NELL1: variants seen among roughly 807,000 people sequenced by gnomAD.
NELL1 encodes the protein protein kinase C-binding protein NELL1.
In NELL1, 76 loss-of-function variants were observed where a neutral mutation model predicts 107.4. The observed-to-expected ratio is 0.71, with a 90% confidence interval of 0.59 to 0.86. The LOEUF (loss-of-function observed/expected upper bound fraction) is 0.86. Among genes scored for constraint, NELL1 ranks in the 40% least tolerant of loss-of-function variants. NELL1 has a pLI of 0.00. For missense variants in NELL1, 1,024 were observed against 1,005.5 expected, an observed-to-expected ratio of 1.02 and a Z score of -0.25; for synonymous variants, 353 against 341.2, an observed-to-expected ratio of 1.03 and a Z score of -0.38.
intron 14 of NELL1, among the ~76,000 whole-genome samples, chr11:21,321,364 C>T (rs1352388832): frequency 6.6e-6 from 1 of 151,960 alleles, no homozygotes; most frequent in East Asian, 1.9e-4. Flanking sequence ...ACTCTGAGAT[C>T]CCTCAGAGGT....
intron 2 of NELL1, among the ~76,000 whole-genome samples, chr11:20,699,220 A>G (rs1214647771): frequency 2.0e-5 from 3 of 151,070 alleles, no homozygotes; most frequent in African/African-American, 7.4e-5. Context: ...CTGTCTCAAA[A>G]ACAAACAAAA....
At chr11:21,514,743 G>A (rs943249489) in intron 15 of NELL1, among the ~76,000 whole-genome samples, 3 of 146,654 alleles carry the variant, frequency 2.0e-5, no homozygotes, top group African/African-American at 8.3e-5. Flanking sequence ...TAAGGCTGTG[G>A]GAATACATCT....
chr11:21,008,575 A>G (rs1180803645), intron 12 of NELL1, among the ~76,000 whole-genome samples: 2 of 152,102 alleles, frequency 1.3e-5, no homozygotes, highest in African/African-American at 4.8e-5. Flanking sequence ...TGGGTAAGTA[A>G]TGAAAAATGT....
chr11:21,124,007 C>T (rs2133746647), intron 13 of NELL1, among the ~76,000 whole-genome samples: 1 of 152,148 alleles, frequency 6.6e-6, no homozygotes, highest in African/African-American at 2.4e-5. Context: ...CACATGCAAG[C>T]ACAGACACAT....
At chr11:21,085,840 G>A (rs1450320755) in intron 12 of NELL1, among the ~76,000 whole-genome samples, 8 of 152,100 alleles carry the variant, frequency 5.3e-5, no homozygotes, top group Non-Finnish European at 1.0e-4. Flanking sequence ...TAAATGTAAC[G>A]GGAAAGCAAA....
chr11:21,490,175 A>C (rs183054687), intron 15 of NELL1, among the ~76,000 whole-genome samples: 101 of 152,172 alleles, frequency 6.6e-4, no homozygotes, highest in African/African-American at 2.3e-3. Context: ...AAAATCAAGA[A>C]AGCAATTTTA....
At chr11:21,401,107 C>A (rs1344121615) in intron 15 of NELL1, among the ~76,000 whole-genome samples, 1 of 151,888 alleles carries the variant, frequency 6.6e-6, no homozygotes, top group East Asian at 1.9e-4. Flanking sequence ...AATTATACAA[C>A]CCTTTCTGTA....
chr11:21,358,565 A>ATTT (rs75578174), intron 14 of NELL1, among the ~76,000 whole-genome samples: 16,683 of 97,062 alleles, frequency 0.17, 1,280 homozygotes, highest in Non-Finnish European at 0.25. Flanking sequence ...TGCCCTGATA[A>ATTT]TTTTTTTTTT....
chr11:21,182,932 CAAG>C, intron 13 of NELL1, among the ~76,000 whole-genome samples: 1 of 151,868 alleles, frequency 6.6e-6, no homozygotes, highest in Non-Finnish European at 1.5e-5. Context: ...ATGATACTTA[CAAG>C]AAGAAGCTAA....
chr11:20,983,783 C>T (rs1564999566), intron 12 of NELL1, among the ~76,000 whole-genome samples: 5 of 151,988 alleles, frequency 3.3e-5, no homozygotes, highest in African/African-American at 1.2e-4. Flanking sequence ...ACAGAGTAAT[C>T]TTTCACAATG....
At chr11:21,288,410 A>G (rs1351072445) in intron 14 of NELL1, among the ~76,000 whole-genome samples, 1 of 152,180 alleles carries the variant, frequency 6.6e-6, no homozygotes, top group Non-Finnish European at 1.5e-5. Flanking sequence ...TTTGTTTACA[A>G]TTCTGGTGTT....
chr11:20,900,702 G>T (rs1454172961), intron 5 of NELL1, among the ~76,000 whole-genome samples: 3 of 152,116 alleles, frequency 2.0e-5, no homozygotes, highest in Non-Finnish European at 4.4e-5. Context: ...GAACAGATTA[G>T]ATTAAAAAAT....
At chr11:21,122,804 G>A (rs1430560319) in intron 13 of NELL1, among the ~76,000 whole-genome samples, 3 of 151,808 alleles carry the variant, frequency 2.0e-5, no homozygotes. Context: ...TTAGCTGAAA[G>A]AATTAAAAAA....
At chr11:20,897,146 T>C (rs562044185) in intron 5 of NELL1, among the ~76,000 whole-genome samples, 1 of 152,332 alleles carries the variant, frequency 6.6e-6, no homozygotes, top group Non-Finnish European at 1.5e-5. Context: ...GGCATCATGC[T>C]ACCTGACTTC....
At chr11:21,046,773 A>C (rs1853365927) in intron 12 of NELL1, among the ~76,000 whole-genome samples, 1 of 151,654 alleles carries the variant, frequency 6.6e-6, no homozygotes, top group African/African-American at 2.4e-5. Flanking sequence ...TGTGGTGTGA[A>C]TACAGCTCAC....
At chr11:20,802,649 A>G (rs1386510197) in intron 3 of NELL1, among the ~76,000 whole-genome samples, 3 of 152,158 alleles carry the variant, frequency 2.0e-5, no homozygotes, top group African/African-American at 7.2e-5. Flanking sequence ...TGTTCCAGAT[A>G]CTGGAGCAAA....
intron 15 of NELL1, among the ~76,000 whole-genome samples, chr11:21,501,579 C>T (rs11026113): frequency 0.27 from 41,614 of 152,042 alleles, 6,166 homozygotes; most frequent in East Asian, 0.57. Flanking sequence ...AAGAAATGTA[C>T]AATCAACTGT....
intron 11 of NELL1, among the ~76,000 whole-genome samples, chr11:20,954,872 A>G (rs559209732): frequency 6.6e-6 from 1 of 152,216 alleles, no homozygotes; most frequent in Non-Finnish European, 1.5e-5. Context: ...TATGCATTGG[A>G]AAATCAACAC....
chr11:20,994,933 G>A (rs1852056333), intron 12 of NELL1, among the ~76,000 whole-genome samples: 1 of 152,144 alleles, frequency 6.6e-6, no homozygotes, highest in Non-Finnish European at 1.5e-5. Flanking sequence ...TGTTTTAACA[G>A]CCCATGTTAG....
Sources: allele counts gnomAD v4.1 joint callset (sites outside exome capture counted in the v4.1 genomes callset), GRCh38; gene constraint gnomAD v4.1.1; transcripts MANE v1.5; gene names NCBI Gene and HGNC (gene_info 2026-07-23, HGNC 2026-07-21).